The following HNRNPUL1 variants were observed in gnomAD, a reference collection of about 807,000 sequenced individuals.
The protein encoded by HNRNPUL1 is heterogeneous nuclear ribonucleoprotein U-like protein 1.
HNRNPUL1 carries 14 observed loss-of-function variants against 108.5 expected under a neutral mutation model. The observed-to-expected ratio is 0.13, with a 90% confidence interval of 0.09 to 0.20. The LOEUF is 0.20. Ranked by LOEUF, HNRNPUL1 falls within the 10% of genes least tolerant of loss-of-function variation. The pLI, the probability that HNRNPUL1 is intolerant of heterozygous loss-of-function variation, is 1.00. For synonymous variants in HNRNPUL1, 422 were observed against 445.2 expected (o/e 0.95, Z 0.66); for missense variants, 804 against 1,168.3 (o/e 0.69, Z 4.55).
chr19:41,280,512 T>C (rs1455204956), intron 6 of HNRNPUL1, among the ~76,000 whole-genome samples: 2 of 152,144 alleles, frequency 1.3e-5, no homozygotes. Flanking sequence ...TTGATAGGGA[T>C]GGGGAAACAG....
chr19:41,292,523 C>T lies in HNRNPUL1; in HGVS notation c.1266+12C>T, dbSNP rs1294229785. ...AGGCAGAATGTGAGGTGAGTGGGGC[C>T]AGAATGTATTGGTGGCCACCTTGCT... is the stretch of plus-strand genomic sequence containing the variant. On this transcript the variant is annotated intron_variant, in intron 8 of 14. Transcript: ENST00000392006. This position sits in a 1 kb window ranked among gnomAD's most constrained non-coding sequence, Gnocchi z 4.1. 6.2e-7 allele frequency: 1 copy of T among 1,602,478 alleles called. No homozygotes were observed. The highest frequency in any genetic ancestry group is 1.7e-5 in the Admixed American group (1 of 59,870).
chr19:41,305,220 C>T (rs1053798544), intron 13 of HNRNPUL1, among the ~76,000 whole-genome samples: 1 of 152,176 alleles, frequency 6.6e-6, no homozygotes, highest in Non-Finnish European at 1.5e-5. Flanking sequence ...AATGATCCAA[C>T]CTGTACTTGG....
intron 7 of HNRNPUL1, among the ~76,000 whole-genome samples, chr19:41,282,983 C>T (rs563676702): frequency 7.2e-5 from 11 of 152,084 alleles, no homozygotes; most frequent in African/African-American, 1.7e-4. Context: ...CGTGAGCCAC[C>T]GCGCCCGGCC....
At chr19:41,273,940 A>C (rs2035395903) in intron 3 of HNRNPUL1, 42 bp from the exon 4 acceptor site, 2 of 1,468,510 alleles carry the variant, frequency 1.4e-6, no homozygotes, top group Non-Finnish European at 1.9e-6. Flanking sequence ...CTTTGTGCTC[A>C]TCCATTGTTC....
At chr19:41,284,294 GA>G (rs58855122) in intron 7 of HNRNPUL1, among the ~76,000 whole-genome samples, 17,894 of 152,026 alleles carry the variant, frequency 0.12, 1,396 homozygotes, top group Non-Finnish European at 0.16. Context: ...CACTGTAAAC[GA>G]AAAAAAGAAA....
intron 2 of HNRNPUL1, among the ~76,000 whole-genome samples, chr19:41,269,087 A>G (rs1315341905): frequency 6.6e-6 from 1 of 151,984 alleles, no homozygotes; most frequent in Admixed American, 6.6e-5. Context: ...CATGTGCTAT[A>G]TCGTCTCTTG....
chr19:41,272,076 C>G lies in HNRNPUL1; in HGVS notation c.419-6C>G. 1 of 1,613,336 alleles carries G rather than the reference C, an allele frequency of 6.2e-7. No homozygotes were observed. Among genetic ancestry groups the G allele is most frequent in the Non-Finnish European group, 8.5e-7 (1 of 1,179,680 alleles). On this transcript the variant is annotated splice_polypyrimidine_tract_variant and splice_region_variant and intron_variant, in intron 2 of 14. Transcript: ENST00000392006. ...TCTTGACCATCTGAATTTGTCTTGA[C>G]AATAGAAATGAAGACAGAGATGAAG...
intron 7 of HNRNPUL1, among the ~76,000 whole-genome samples, chr19:41,284,308 A>G (rs1273890758): frequency 1.3e-5 from 2 of 152,198 alleles, no homozygotes; most frequent in Non-Finnish European, 2.9e-5. Flanking sequence ...AAAAGAAAAA[A>G]TTCCCGAAGC....
chr19:41,284,894 G>A (rs2122702610), intron 7 of HNRNPUL1, among the ~76,000 whole-genome samples: 1 of 151,980 alleles, frequency 6.6e-6, no homozygotes, highest in Admixed American at 6.5e-5. Context: ...TACTCGGGAG[G>A]CTGAGGCAGG....
chr19:41,296,757 A>G (rs1341598806), intron 10 of HNRNPUL1, among the ~76,000 whole-genome samples: 28 of 152,224 alleles, frequency 1.8e-4, no homozygotes, highest in Non-Finnish European at 1.5e-5. Flanking sequence ...CTCCTGGGCT[A>G]GGTGGAATTT....
At chr19:41,274,994 G>A (rs934437563) in intron 4 of HNRNPUL1, among the ~76,000 whole-genome samples, 9 of 152,242 alleles carry the variant, frequency 5.9e-5, no homozygotes, top group South Asian at 4.1e-4. Flanking sequence ...AAAGGAGAGC[G>A]CCTCATGGGA....
rs146506865 is a variant in HNRNPUL1 at position 41,296,635 on chromosome 19, G to A, written c.1518+1949G>A. Among the ~76,000 whole-genome samples the A allele has an allele frequency of 3.5e-3, 538 of 152,306 alleles. 2 individuals carry two copies. Among genetic ancestry groups the A allele is most frequent in the Non-Finnish European group, 6.0e-3 (407 of 68,018 alleles). On this transcript the variant is annotated intron_variant, in intron 10 of 14. Transcript: ENST00000392006. The stretch of plus-strand genomic sequence containing the variant: ...AACTCTGGGTATGAGAAAGAGGGAG[G>A]GGGAAGTTGTGTGTTTGTGTATAGA...
At chr19:41,265,703 C>T (rs1260865025) in intron 1 of HNRNPUL1, among the ~76,000 whole-genome samples, 1 of 151,688 alleles carries the variant, frequency 6.6e-6, no homozygotes, top group African/African-American at 2.4e-5. Context: ...TGGTCTGGAG[C>T]TAACTGTGGG....
intron 10 of HNRNPUL1, among the ~76,000 whole-genome samples, chr19:41,296,484 C>G (rs1300829932): frequency 6.6e-6 from 1 of 152,180 alleles, no homozygotes. Context: ...GGAGGGTTCT[C>G]TGGTTAACCA....
rs897619182 is a variant in HNRNPUL1 at position 41,264,432 on chromosome 19, A to C, written c.-72A>C. 1 of 1,212,734 alleles carries C rather than the reference A, an allele frequency of 8.2e-7. No homozygotes were observed. The highest frequency in any genetic ancestry group is 1.1e-6 in the Non-Finnish European group (1 of 951,898). 75.1% of individuals were successfully genotyped at this position (1,212,734 alleles called of 1,614,324 possible). A position where few individuals can be genotyped will look rare whatever the true frequency, so the allele number is the denominator to read the frequency against. On this transcript the variant is annotated 5_prime_UTR_variant, in exon 1 of 15. Coordinates refer to ENST00000392006, the MANE Select transcript of HNRNPUL1 (RefSeq NM_007040.6). The stretch of plus-strand genomic sequence containing the variant: ...CCCCTTTCCCCCTTCGCCTCCTGAC[A>C]GGAAAGGTTTAAGGGGGACAGAGCC...
At chr19:41,282,796 TCTC>T (rs1222398168) in intron 7 of HNRNPUL1, among the ~76,000 whole-genome samples, 4 of 149,430 alleles carry the variant, frequency 2.7e-5, no homozygotes, top group African/African-American at 9.8e-5. Context: ...TTCACGCCAT[TCTC>T]CTGCCTCAGC....
At chr19:41,306,259 G>C (rs2037540220) in intron 14 of HNRNPUL1, among the ~76,000 whole-genome samples, 190 bp from the exon 15 acceptor site, 1 of 152,212 alleles carries the variant, frequency 6.6e-6, no homozygotes, top group African/African-American at 2.4e-5. Context: ...TGAGACCTGG[G>C]CTTCAGTCCC....
chr19:41,292,570 A>G lies in HNRNPUL1; in HGVS notation c.1266+59A>G. 4 of 1,531,784 alleles carry G rather than the reference A, an allele frequency of 2.6e-6. No homozygotes were observed. Among genetic ancestry groups the G allele is most frequent in the Non-Finnish European group, 9.0e-7 (1 of 1,115,926 alleles). 94.9% of individuals were successfully genotyped at this position (1,531,784 alleles called of 1,614,324 possible). Reference sequence around the variant, plus strand: ...TGCTGCCAAGACAGAGGAGACACACACACACACACACACACAGACTTGCTG... The same window carrying G: ...TGCTGCCAAGACAGAGGAGACACACGCACACACACACACACAGACTTGCTG... On this transcript the variant is annotated intron_variant, in intron 8 of 14. Transcript: ENST00000392006. This position sits in a 1 kb window ranked among gnomAD's most constrained non-coding sequence, Gnocchi z 4.1.
rs1225882527 is a variant in HNRNPUL1, at chr19:41,294,136, T to C, written c.1267-202T>C. 2.6e-5 allele frequency among the ~76,000 whole-genome samples: 4 copies of C among 152,198 alleles called. No individual in the cohort carries two copies. The East Asian group carries it at 7.7e-4, about 29-fold the overall frequency. ...CCAGCACTTGACTTAATGCTCACCC[T>C]GTCCCAGGCACTGTGCTCAGAGTCT... On this transcript the variant is annotated intron_variant, in intron 8 of 14. Transcript: ENST00000392006. The surrounding 1 kb of genome is among the most constrained non-coding windows in gnomAD (Gnocchi z 4.3).
Sources: gnomAD v4.1 joint callset for allele counts (sites outside exome capture counted in the v4.1 genomes callset) on GRCh38, gnomAD v4.1.1 for gene constraint, Gnocchi (gnomAD v3.1) non-coding constraint, MANE v1.5 for transcripts, NCBI Gene and HGNC (gene_info 2026-07-23, HGNC 2026-07-21) for gene names.